The following CDC42BPA variants were observed in gnomAD, a reference collection of about 807,000 sequenced individuals.
CDC42BPA encodes CDC42 binding protein kinase alpha, also known as serine/threonine-protein kinase MRCK alpha.
A neutral mutation model predicts 223.5 loss-of-function variants in CDC42BPA; 80 were observed. That is an observed-to-expected ratio of 0.36 (90% CI 0.30 to 0.43). The LOEUF is 0.43. Ranked by LOEUF, CDC42BPA falls within the 20% of genes least tolerant of loss-of-function variation. CDC42BPA has a pLI of 1.00. For missense variants in CDC42BPA, 1,743 were observed against 2,099.9 expected (o/e 0.83, Z 3.32); for synonymous variants, 694 against 718.6 (o/e 0.97, Z 0.55).
At chr1:227,020,862 C>T (rs185256169) in intron 32 of CDC42BPA, among the ~76,000 whole-genome samples, 3 of 152,250 alleles carry the variant, frequency 2.0e-5, no homozygotes, top group Non-Finnish European at 2.9e-5. Context: ...TCATTTCTAG[C>T]TTTTGATTTA....
At chr1:227,137,365 A>G (rs926826901) in intron 10 of CDC42BPA, among the ~76,000 whole-genome samples, 7 of 152,116 alleles carry the variant, frequency 4.6e-5, no homozygotes, top group African/African-American at 1.7e-4. Flanking sequence ...GCGGACGATA[A>G]GTTCTGGTGA....
intron 35 of CDC42BPA, among the ~76,000 whole-genome samples, chr1:227,003,015 T>C (rs185195047): frequency 6.6e-6 from 1 of 152,330 alleles, no homozygotes; most frequent in East Asian, 1.9e-4. Context: ...TGTGGGATAA[T>C]TTCTTATGCA....
chr1:227,005,430 T>C (rs1326370493), intron 34 of CDC42BPA, among the ~76,000 whole-genome samples: 2 of 152,256 alleles, frequency 1.3e-5, no homozygotes, highest in East Asian at 3.8e-4. Context: ...TAGAATTACA[T>C]GGACATTTGC....
At chr1:227,257,910 C>A (rs1352884614) in intron 1 of CDC42BPA, among the ~76,000 whole-genome samples, 3 of 150,936 alleles carry the variant, frequency 2.0e-5, no homozygotes, top group African/African-American at 7.4e-5. Context: ...GTGGTTCACG[C>A]CTGTATCCCA....
At chr1:227,307,037 G>A (rs1054304748) in intron 1 of CDC42BPA, among the ~76,000 whole-genome samples, 5 of 151,934 alleles carry the variant, frequency 3.3e-5, no homozygotes, top group South Asian at 2.1e-4. Flanking sequence ...TGACAATATC[G>A]ATCCCAAATT....
In CDC42BPA at chr1:227,131,146, C is replaced by A. The variant is rs543970953; in HGVS notation, c.1391-1915G>T. Among the ~76,000 whole-genome samples the A allele has an allele frequency of 3.2e-3, 490 of 152,142 alleles. 2 individuals are homozygous for A. The highest frequency in any genetic ancestry group is 4.4e-3 in the Non-Finnish European group (298 of 67,998). On this transcript the variant is annotated intron_variant, in intron 10 of 36. Transcript: ENST00000366766. Reference sequence around the variant, plus strand: ...TTATTATTCTTAGTAACTTTAACATCAAAATAGATAATCCATCTAACACTG... The same window carrying A: ...TTATTATTCTTAGTAACTTTAACATAAAAATAGATAATCCATCTAACACTG...
intron 15 of CDC42BPA, among the ~76,000 whole-genome samples, chr1:227,094,103 T>C (rs1317571417): frequency 1.3e-5 from 2 of 152,114 alleles, no homozygotes; most frequent in Non-Finnish European, 2.9e-5. Flanking sequence ...ATAAAAGCAA[T>C]GAAGGTGTTA....
At chr1:227,293,795 G>T (rs190189570) in intron 1 of CDC42BPA, among the ~76,000 whole-genome samples, 25 of 151,170 alleles carry the variant, frequency 1.7e-4, no homozygotes, top group African/African-American at 5.6e-4. Context: ...TGGGCAACAA[G>T]AACAAAACTC....
chr1:227,115,000 C>T lies in CDC42BPA; in HGVS notation c.1648-2087G>A, dbSNP rs78534553. On this transcript the variant is annotated intron_variant, in intron 12 of 36. Coordinates refer to ENST00000366766, the MANE Select transcript of CDC42BPA (RefSeq NM_001394014.1). ...ACTAAAATGTCAACAACAACAACAA[C>T]AAATTTCAGTGAAGAAGAAATGATT... Among the ~76,000 whole-genome samples the T allele has an allele frequency of 7.3e-3, 1,111 of 152,110 alleles. 11 individuals are homozygous for T. The highest frequency in any genetic ancestry group is 9.4e-3 in the Non-Finnish European group (641 of 67,906).
intron 1 of CDC42BPA, chr1:227,265,030 A>G (rs1684743783): frequency 6.3e-6 from 5 of 796,428 alleles, no homozygotes; most frequent in Non-Finnish European, 1.2e-5. Context: ...CATCACACTG[A>G]GGATTTGGCT....
chr1:227,148,248 A>G (rs1661047810), intron 6 of CDC42BPA, among the ~76,000 whole-genome samples: 1 of 152,126 alleles, frequency 6.6e-6, no homozygotes, highest in Non-Finnish European at 1.5e-5. Context: ...TGGGCCCAGG[A>G]GTTTGAGACA....
chr1:227,040,124 T>C lies in CDC42BPA; in HGVS notation c.3199+7A>G, dbSNP rs950501393. The C allele has an allele frequency of 3.3e-6, 5 of 1,525,308 alleles. No individual in the cohort carries two copies. The highest frequency in any genetic ancestry group is 4.5e-6 in the Non-Finnish European group (5 of 1,099,344). The allele number at this position is 1,525,308 out of a possible 1,614,324, so 94.5% of individuals were successfully genotyped here. On this transcript the variant is annotated splice_region_variant and intron_variant, in intron 24 of 36. Coordinates refer to ENST00000366766, the MANE Select transcript of CDC42BPA (RefSeq NM_001394014.1). The stretch of plus-strand genomic sequence containing the variant: ...GAAGTCACATTTTCTTTCCTTTGTG[T>C]TCTTACCTTCACATGAACAGCCCTG...
At chr1:227,300,786 T>C (rs1438271739) in intron 1 of CDC42BPA, among the ~76,000 whole-genome samples, 3 of 152,202 alleles carry the variant, frequency 2.0e-5, no homozygotes, top group Admixed American at 1.3e-4. Context: ...AATTCATCCA[T>C]GTAACCAAAA....
chr1:227,148,201 T>A (rs1367574354), intron 6 of CDC42BPA, among the ~76,000 whole-genome samples: 1 of 152,116 alleles, frequency 6.6e-6, no homozygotes, highest in Non-Finnish European at 1.5e-5. Context: ...ACATCTGTAA[T>A]CCCAGCACTT....
At chr1:227,141,399 CAAG>C (rs1371256162) in intron 9 of CDC42BPA, among the ~76,000 whole-genome samples, 2 of 151,960 alleles carry the variant, frequency 1.3e-5, no homozygotes, top group East Asian at 3.9e-4. Context: ...GCAGATGACA[CAAG>C]AAGAAAAAAA....
chr1:227,280,746 G>T (rs1178190391), intron 1 of CDC42BPA, among the ~76,000 whole-genome samples: 1 of 152,170 alleles, frequency 6.6e-6, no homozygotes, highest in Non-Finnish European at 1.5e-5. Context: ...CGGTATAAAT[G>T]AATGATAAAA....
chr1:227,081,948 T>C (rs1392836572), intron 16 of CDC42BPA, among the ~76,000 whole-genome samples: 4 of 152,216 alleles, frequency 2.6e-5, no homozygotes, highest in Admixed American at 2.6e-4. Flanking sequence ...ATAGTTCAAG[T>C]TTCCAGTTAC....
Position 227,166,746 on chromosome 1 carries a change from T to C in CDC42BPA, c.600-6110A>G, listed in dbSNP as rs375388843. Among the ~76,000 whole-genome samples, 17 of 152,280 alleles carry C rather than the reference T, an allele frequency of 1.1e-4. No individual in the cohort carries two copies. The East Asian group carries it at 3.1e-3, about 28-fold the overall frequency. Reference sequence around the variant, plus strand: ...AGAAGCCACACATTCCAATTCCCATTAGTGCTCACTAGGGGCGGGAGTGGG... The same window carrying C: ...AGAAGCCACACATTCCAATTCCCATCAGTGCTCACTAGGGGCGGGAGTGGG... On this transcript the variant is annotated intron_variant, in intron 5 of 36. Transcript: ENST00000366766.
Position 227,143,013 on chromosome 1 carries a change from G to A in CDC42BPA, c.1155C>T (p.Pro385=), listed in dbSNP as rs772789715. The A allele has an allele frequency of 2.0e-6, 3 of 1,525,710 alleles. No individual in the cohort carries two copies. Among genetic ancestry groups the A allele is most frequent in the Admixed American group, 2.4e-5 (1 of 41,070 alleles). 94.5% of individuals were successfully genotyped at this position (1,525,710 alleles called of 1,614,324 possible). The change falls in exon 9 of 37, where the codon CCC becomes CCT. Residue 385 remains proline (P), a synonymous_variant. Coordinates refer to ENST00000366766, the MANE Select transcript of CDC42BPA (RefSeq NM_001394014.1). ...DDCLKNSETM[P]PPTHTAFSGH... ...CAGAAAATGCAGTATGTGTTGGTGG[G>A]GGCATCGTTTCCTAAAGGAGGAAAA...
Sources: gnomAD v4.1 joint callset for allele counts (sites outside exome capture counted in the v4.1 genomes callset) on GRCh38, gnomAD v4.1.1 for gene constraint, MANE v1.5 for transcripts, NCBI Gene and HGNC (gene_info 2026-07-23, HGNC 2026-07-21) for gene names.